Variants in IFRD1 observed in about 807,000 individuals in gnomAD.
IFRD1 encodes the protein interferon-related developmental regulator 1.
In IFRD1, 35 loss-of-function variants were observed where a neutral mutation model predicts 52.9. That is an observed-to-expected ratio of 0.66 (90% CI 0.51 to 0.88). The LOEUF is 0.88. IFRD1 is among the 40% of genes least tolerant of loss of function. The pLI, the probability that IFRD1 is intolerant of heterozygous loss-of-function variation, is 0.00. For missense variants in IFRD1, 517 were observed against 550.8 expected (o/e 0.94, Z 0.61); for synonymous variants, 184 against 188.4 (o/e 0.98, Z 0.19).
intron 1 of IFRD1, among the ~76,000 whole-genome samples, chr7:112,436,116 C>T (rs552729384): frequency 1.3e-5 from 2 of 152,150 alleles, no homozygotes; most frequent in African/African-American, 4.8e-5. Context: ...CTCCTGACCT[C>T]AGGTATCTGC....
chr7:112,457,038 G>C lies in IFRD1; in HGVS notation c.409G>C (p.Gly137Arg), dbSNP rs1410101368. 4 of 1,613,664 alleles carry C rather than the reference G, an allele frequency of 2.5e-6. No individual in the cohort carries two copies. Among genetic ancestry groups the C allele is most frequent in the Non-Finnish European group, 3.4e-6 (4 of 1,179,790 alleles). Residue 137 changes from glycine (G) to arginine (R), a missense_variant and splice_region_variant, in exon 4 of 12, where the codon GGT becomes CGT. By Grantham distance (125) the Gly-to-Arg change is moderately radical. Coordinates refer to ENST00000403825, the MANE Select transcript of IFRD1 (RefSeq NM_001550.4). ...TDSIERCLKK[G>R]KSDEQRAAAA... ...TAGCATTGAACGCTGCCTGAAAAAA[G>C]GTAATGCCCTTATTTTTGAGTCACA...
chr7:112,428,910 C>T (rs1434975162), intron 1 of IFRD1, among the ~76,000 whole-genome samples: 1 of 152,184 alleles, frequency 6.6e-6, no homozygotes, highest in Non-Finnish European at 1.5e-5. Context: ...TGTCAATCCT[C>T]TTCTCAAAAG....
Position 112,432,587 on chromosome 7 carries a change from C to T in IFRD1, c.-182+9155C>T, listed in dbSNP as rs148741785. 2.0e-3 allele frequency among the ~76,000 whole-genome samples: 300 copies of T among 152,220 alleles called. 2 individuals carry two copies. In the Middle Eastern group the frequency reaches 0.031, roughly 16 times the overall value. ...ATTCCATGTATTAAGTATGACTATC[C>T]CCATTTTACAAATGAGGAAATGGGA... On this transcript the variant is annotated intron_variant, in intron 1 of 12. Transcript: ENST00000005558.
intron 1 of IFRD1, chr7:112,452,366 A>G (rs1795187590): frequency 7.1e-6 from 4 of 559,674 alleles, no homozygotes; most frequent in Non-Finnish European, 9.1e-6. Flanking sequence ...TATGTTGGCC[A>G]GGCTGGTCAC....
intron 11 of IFRD1, among the ~76,000 whole-genome samples, chr7:112,474,390 A>G (rs1346364095): frequency 6.6e-6 from 1 of 152,208 alleles, no homozygotes; most frequent in African/African-American, 2.4e-5. Flanking sequence ...GAAAGGTTCC[A>G]GTTTCTCCAC....
intron 1 of IFRD1, chr7:112,452,401 C>A (rs1795188194): frequency 2.2e-6 from 2 of 914,264 alleles, no homozygotes; most frequent in African/African-American, 1.8e-5. Context: ...CAGGGATCTT[C>A]CTGCCTAAGC....
At chr7:112,471,238 A>G (rs1036215437) in intron 9 of IFRD1, among the ~76,000 whole-genome samples, 1 of 152,174 alleles carries the variant, frequency 6.6e-6, no homozygotes, top group African/African-American at 2.4e-5. Context: ...ACCCTCATGC[A>G]GTATAGGTAA....
At chr7:112,459,178 A>G (rs547933898) in intron 5 of IFRD1, among the ~76,000 whole-genome samples, 160 bp downstream of exon 5, 101 of 152,304 alleles carry the variant, frequency 6.6e-4, no homozygotes, top group African/African-American at 2.2e-3. Flanking sequence ...CATGCCACTG[A>G]ACTGTAGCCT....
chr7:112,429,784 T>C (rs1794507393), intron 1 of IFRD1, among the ~76,000 whole-genome samples: 4 of 152,248 alleles, frequency 2.6e-5, no homozygotes, highest in Admixed American at 2.6e-4. Context: ...TAAAAAAGAA[T>C]ATACTCTGCA....
intron 10 of IFRD1, among the ~76,000 whole-genome samples, 189 bp from the exon 11 acceptor site, chr7:112,472,577 T>C (rs576661033): frequency 1.3e-5 from 2 of 152,170 alleles, no homozygotes; most frequent in Non-Finnish European, 2.9e-5. Context: ...TGAAAGCAAA[T>C]AGCTTGACAT....
intron 1 of IFRD1, among the ~76,000 whole-genome samples, chr7:112,455,252 A>G (rs1051751265): frequency 3.3e-5 from 5 of 150,632 alleles, no homozygotes. Flanking sequence ...GGGAGGCCGA[A>G]GTGGGTGGAT....
At chr7:112,446,775 C>A (rs1183427912), upstream of IFRD1, among the ~76,000 whole-genome samples, 1 of 152,060 alleles carries the variant, frequency 6.6e-6, no homozygotes, top group African/African-American at 2.4e-5. Context: ...TGGCAAAGAC[C>A]AGTGTGGCTG....
intron 1 of IFRD1, among the ~76,000 whole-genome samples, chr7:112,427,550 A>AGGAATAT (rs1424021247): frequency 6.6e-6 from 1 of 152,234 alleles, no homozygotes; most frequent in African/African-American, 2.4e-5. Context: ...ATTTTTAAAA[A>AGGAATAT]GGAATATGAA....
chr7:112,463,946 A>G (rs1795541446), intron 8 of IFRD1, among the ~76,000 whole-genome samples: 1 of 151,052 alleles, frequency 6.6e-6, no homozygotes, highest in African/African-American at 2.4e-5. Flanking sequence ...AACCAGGAGA[A>G]CTCATCCAGA....
chr7:112,434,480 G>C (rs996127946), intron 1 of IFRD1, among the ~76,000 whole-genome samples: 2 of 152,106 alleles, frequency 1.3e-5, no homozygotes, highest in Non-Finnish European at 2.9e-5. Flanking sequence ...ACAACAGCCA[G>C]GGTTATATAC....
intron 11 of IFRD1, 28 bp downstream of exon 11, chr7:112,472,889 A>G: frequency 6.8e-7 from 1 of 1,469,710 alleles, no homozygotes; most frequent in Non-Finnish European, 9.5e-7. Flanking sequence ...TTTTAATAAA[A>G]CTAAGTGCGC....
intron 1 of IFRD1, among the ~76,000 whole-genome samples, chr7:112,436,700 T>C (rs1314619548): frequency 2.6e-5 from 4 of 152,124 alleles, no homozygotes; most frequent in Non-Finnish European, 5.9e-5. Context: ...AATCAGGCAA[T>C]GCAAATATTA....
intron 4 of IFRD1, chr7:112,457,376 T>A (rs562443217): frequency 4.9e-5 from 20 of 404,582 alleles, no homozygotes; most frequent in Non-Finnish European, 8.0e-5. Flanking sequence ...CTTGCACTTA[T>A]ATAAAACATT....
chr7:112,458,927 G>T lies in IFRD1; in HGVS notation c.476G>T (p.Gly159Val), dbSNP rs1314949994. Reference protein sequence around the residue: ...ASVLCIQLGPGIESEEILKTL... With the variant: ...ASVLCIQLGPVIESEEILKTL... The stretch of plus-strand genomic sequence containing the variant: ...GTTCTTTGTATTCAGCTGGGCCCTG[G>T]AATTGAAAGTGAAGAGATTTTGAAA... The change falls in exon 5 of 12, where the codon GGA (glycine) becomes GTA (valine). Residue 159 changes from glycine to valine, a missense_variant. By Grantham distance (109) the Gly-to-Val change is moderately radical (BLOSUM62 -3). Coordinates refer to ENST00000403825, the MANE Select transcript of IFRD1 (RefSeq NM_001550.4). 2 of 1,613,962 alleles carry T rather than the reference G, an allele frequency of 1.2e-6. No homozygotes were observed. Among genetic ancestry groups the T allele is most frequent in the African/African-American group, 2.7e-5 (2 of 75,020 alleles).
Sources: allele counts gnomAD v4.1 joint callset (sites outside exome capture counted in the v4.1 genomes callset), GRCh38; gene constraint gnomAD v4.1.1; transcripts MANE v1.5; gene names NCBI Gene and HGNC (gene_info 2026-07-23, HGNC 2026-07-21).